The following RDH12 variants were observed in gnomAD, a reference collection of about 807,000 sequenced individuals.
The protein encoded by RDH12 is all-trans and 9-cis retinol dehydrogenase.
Under a neutral mutation model 34.0 loss-of-function variants are expected in RDH12, and 21 were observed. The observed-to-expected ratio is 0.62, with a 90% CI of 0.44 to 0.89. RDH12 has a LOEUF of 0.89. Among genes scored for constraint, RDH12 ranks in the 40% least tolerant of loss-of-function variants. The probability of loss-of-function intolerance (pLI) is 0.00; values close to 1 mark genes in which losing one functional copy is unlikely to be tolerated. For missense variants in RDH12, 394 were observed against 398.6 expected (o/e 0.99, Z 0.10); for synonymous variants, 198 against 169.9 (o/e 1.17, Z -1.29).
Position 67,722,451 on chromosome 14 carries a change from T to C in RDH12, c.-192T>C. On this transcript the variant is annotated 5_prime_UTR_variant, in exon 3 of 9. Transcript: ENST00000551171. Reference sequence around the variant, plus strand: ...CTACATCTCCCAGCAGGCTGTGCTCTGACAGCTCTTGGATTTAAATAGGAT... The same window carrying C: ...CTACATCTCCCAGCAGGCTGTGCTCCGACAGCTCTTGGATTTAAATAGGAT... The C allele has an allele frequency of 1.5e-6, 1 of 672,654 alleles. No homozygotes were observed. Among genetic ancestry groups the C allele is most frequent in the South Asian group, 1.6e-5 (1 of 61,074 alleles). The allele number at this position is 672,654 out of a possible 1,614,324, so 41.7% of individuals were successfully genotyped here.
At chr14:67,714,611 G>T in intron 1 of RDH12, 1 of 168,748 alleles carries the variant, frequency 5.9e-6, no homozygotes, top group South Asian at 1.5e-4. Flanking sequence ...AGAAAACATG[G>T]AGTTGTTCCT....
chr14:67,721,417 A>G (rs1382494517), intron 2 of RDH12, among the ~76,000 whole-genome samples: 1 of 152,036 alleles, frequency 6.6e-6, no homozygotes, highest in Non-Finnish European at 1.5e-5. Context: ...CCACACCCAG[A>G]TAATTTTTTG....
intron 2 of RDH12, among the ~76,000 whole-genome samples, chr14:67,721,744 T>TATATATATATATATGTATAACAC (rs1055652664): frequency 6.2e-3 from 5 of 812 alleles, no homozygotes; most frequent in Non-Finnish European, 9.4e-3. Flanking sequence ...TGGGGATATA[T>TATATATATATATATGTATAACAC]ATATATATAT....
rs1349849938 is a variant in RDH12 at position 67,725,161 on chromosome 14, C to T, written c.250C>T (p.Arg84Ter). 6.2e-6 allele frequency: 10 copies of T among 1,614,004 alleles called. No individual in the cohort carries two copies. Among genetic ancestry groups the T allele is most frequent in the African/African-American group, 4.0e-5 (3 of 74,894 alleles). The change falls in exon 5 of 9, where the codon CGA becomes TGA. Residue 84 changes from arginine (R) to a stop codon, truncating the protein, a stop_gained. Transcript: ENST00000551171. LOFTEE classifies it high-confidence loss of function. ...GGGGGAGTCTGCTGCCAGTGAAATC[C>T]GAGTGGATACAAAGAACTCCCAGGT... ...LKGESAASEI[R>*]VDTKNSQVLV...
chr14:67,707,163 G>A lies in RDH12; in HGVS notation c.-275+5228G>A, dbSNP rs921064272. On this transcript the variant is annotated intron_variant, in intron 1 of 8. Transcript: ENST00000551171. The stretch of plus-strand genomic sequence containing the variant: ...TTAGTTTTTTAGTGACTCCAAATTA[G>A]GAAAAATGGGGAAAAAAGAAGGAAA... Among the ~76,000 whole-genome samples the A allele has an allele frequency of 3.3e-5, 5 of 151,902 alleles. No homozygotes were observed. In the East Asian group the frequency reaches 9.7e-4, roughly 29 times the overall value.
intron 1 of RDH12, among the ~76,000 whole-genome samples, chr14:67,718,852 G>A (rs1434031304): frequency 6.7e-6 from 1 of 150,036 alleles, no homozygotes; most frequent in East Asian, 1.9e-4. Flanking sequence ...ATACCAGTTT[G>A]AGAAATAGCT....
intron 4 of RDH12, among the ~76,000 whole-genome samples, 155 bp downstream of exon 4, chr14:67,724,746 C>T (rs1466720945): frequency 6.6e-6 from 1 of 152,194 alleles, no homozygotes; most frequent in Non-Finnish European, 1.5e-5. Flanking sequence ...GTGACACCAA[C>T]TTACACTGTG....
At chr14:67,710,165 C>A (rs781432872) in intron 1 of RDH12, among the ~76,000 whole-genome samples, 1 of 152,138 alleles carries the variant, frequency 6.6e-6, no homozygotes, top group Non-Finnish European at 1.5e-5. Context: ...TAAAACCAAG[C>A]TGTTCCCTGA....
At chr14:67,722,754 TG>T (rs747777917) in intron 3 of RDH12, 44 bp downstream of exon 3, 3 of 1,489,870 alleles carry the variant, frequency 2.0e-6, no homozygotes. Context: ...TACAAAGACC[TG>T]CACTGGAAGC....
At chr14:67,726,896 C>T in intron 6 of RDH12, 85 bp from the exon 7 acceptor site, 2 of 1,210,392 alleles carry the variant, frequency 1.7e-6, no homozygotes, top group South Asian at 2.5e-5. Flanking sequence ...AGATAGTGAG[C>T]TAACACTGAA....
intron 1 of RDH12, among the ~76,000 whole-genome samples, chr14:67,709,477 T>C (rs1010596800): frequency 6.6e-6 from 1 of 152,248 alleles, no homozygotes; most frequent in African/African-American, 2.4e-5. Context: ...AAGAAAACCT[T>C]GTTAATCTGA....
chr14:67,710,043 C>T (rs915976418), intron 1 of RDH12, among the ~76,000 whole-genome samples: 2 of 152,180 alleles, frequency 1.3e-5, no homozygotes, highest in Non-Finnish European at 2.9e-5. Flanking sequence ...CCTGGAAGCT[C>T]CCTCCCCACT....
At chr14:67,710,823 A>G (rs2038001586) in intron 1 of RDH12, among the ~76,000 whole-genome samples, 1 of 151,994 alleles carries the variant, frequency 6.6e-6, no homozygotes, top group Non-Finnish European at 1.5e-5. Flanking sequence ...ATAACTTTAG[A>G]TTCTAAATTA....
At chr14:67,708,891 C>A (rs2037980096) in intron 1 of RDH12, among the ~76,000 whole-genome samples, 1 of 150,274 alleles carries the variant, frequency 6.7e-6, no homozygotes, top group Admixed American at 6.7e-5. Flanking sequence ...CCCTCAGGTT[C>A]AAGTGATTCT....
intron 7 of RDH12, 34 bp from the exon 8 acceptor site, chr14:67,729,157 T>C (rs2038230695): frequency 6.2e-7 from 1 of 1,605,388 alleles, no homozygotes; most frequent in Non-Finnish European, 8.5e-7. Flanking sequence ...GCTCAGAGTG[T>C]GTCCCTGATC....
chr14:67,733,156 A>G (rs2038308008), intron 8 of RDH12, among the ~76,000 whole-genome samples: 1 of 152,024 alleles, frequency 6.6e-6, no homozygotes, highest in South Asian at 2.1e-4. Context: ...AAAAAACATG[A>G]TGAGAACTGT....
At chr14:67,730,810 G>C (rs1430632278) in intron 8 of RDH12, among the ~76,000 whole-genome samples, 1 of 152,012 alleles carries the variant, frequency 6.6e-6, no homozygotes, top group Admixed American at 6.6e-5. Flanking sequence ...CACCATGTTG[G>C]CCAGGCTGGT....
intron 8 of RDH12, among the ~76,000 whole-genome samples, chr14:67,731,263 G>A (rs528389465): frequency 1.0e-3 from 144 of 140,076 alleles, no homozygotes; most frequent in African/African-American, 3.6e-3. Flanking sequence ...TGCCCAGGCT[G>A]GAGTGCAATG....
intron 8 of RDH12, chr14:67,729,661 G>C: frequency 1.7e-6 from 1 of 597,614 alleles, no homozygotes; most frequent in Non-Finnish European, 3.1e-6. Flanking sequence ...TGTCGCTGTT[G>C]GTTATGCCAT....
Sources: allele counts gnomAD v4.1 joint callset (sites outside exome capture counted in the v4.1 genomes callset), GRCh38; gene constraint gnomAD v4.1.1; transcripts MANE v1.5; gene names NCBI Gene and HGNC (gene_info 2026-07-23, HGNC 2026-07-21).